The following ERCC6 variants were observed in gnomAD, a reference collection of about 807,000 sequenced individuals.
The protein encoded by ERCC6 is DNA excision repair protein ERCC-6.
A neutral mutation model predicts 158.7 loss-of-function variants in ERCC6; 116 were observed. That is an observed-to-expected ratio of 0.73 (90% CI 0.63 to 0.85). The LOEUF (loss-of-function observed/expected upper bound fraction) is 0.85. Among genes scored for constraint, ERCC6 ranks in the 40% least tolerant of loss-of-function variants. The pLI, the probability that ERCC6 is intolerant of heterozygous loss-of-function variation, is 0.00. For missense variants in ERCC6, 1,698 were observed against 1,799.4 expected, an observed-to-expected ratio of 0.94 and a Z score of 1.02; for synonymous variants, 678 against 659.3, an observed-to-expected ratio of 1.03 and a Z score of -0.43.
At chr10:49,538,295 G>T (rs1431921693) in intron 1 of ERCC6, among the ~76,000 whole-genome samples, 1 of 152,218 alleles carries the variant, frequency 6.6e-6, no homozygotes, top group Non-Finnish European at 1.5e-5. Flanking sequence ...CAAGGCCTGG[G>T]AAAACACGAG....
intron 5 of ERCC6, among the ~76,000 whole-genome samples, chr10:49,519,476 G>A (rs532012333): frequency 1.3e-5 from 2 of 152,282 alleles, no homozygotes; most frequent in East Asian, 3.9e-4. Flanking sequence ...GTGCTGAAAG[G>A]TGGCGAGGGA....
At chr10:49,515,175 T>A (rs1488114552) in intron 5 of ERCC6, 1 of 1,313,576 alleles carries the variant, frequency 7.6e-7, no homozygotes. Flanking sequence ...ATATGTTACC[T>A]AGAAAAATTC....
In ERCC6 at chr10:49,524,488, T is replaced by G; in HGVS notation, c.942A>C (p.Pro314=). Residue 314 remains proline, a synonymous_variant, in exon 5 of 21, where the codon CCA becomes CCC. Transcript: ENST00000355832. ...TGGACAGAACTCTGGCTTTCTTGTTTGGTTTGTTTTTATTTTGCACTGGGG... is the reference window on the plus strand; with the variant it reads ...TGGACAGAACTCTGGCTTTCTTGTTGGGTTTGTTTTTATTTTGCACTGGGG... ...PPAPVQNKNK[P]NKKARVLSKK... The G allele has an allele frequency of 6.2e-7, 1 of 1,614,234 alleles. No individual in the cohort carries two copies. Among genetic ancestry groups the G allele is most frequent in the African/African-American group, 1.3e-5 (1 of 75,052 alleles).
chr10:49,460,387 T>C lies in ERCC6; in HGVS notation c.4048A>G (p.Thr1350Ala). 6.2e-7 allele frequency: 1 copy of C among 1,612,592 alleles called. No homozygotes were observed. Among genetic ancestry groups the C allele is most frequent in the South Asian group, 1.1e-5 (1 of 91,032 alleles). Residue 1350 changes from threonine to alanine, a missense_variant, in exon 20 of 21, where the codon ACA becomes GCA. Transcript: ENST00000355832. ...ATCTATATTACCTGGCACTTCTCTG[T>C]TGGAGATGTTGATGAAGGATGCTGC... ...SVQHPSSTSP[T>A]EKCQDGIMKK...
Position 49,460,398 on chromosome 10 carries a change from G to C in ERCC6, c.4037C>G (p.Ser1346Ter), listed in dbSNP as rs2132525337. 6.2e-7 allele frequency: 1 copy of C among 1,613,580 alleles called. No homozygotes were observed. Among genetic ancestry groups the C allele is most frequent in the East Asian group, 2.2e-5 (1 of 44,878 alleles). The change falls in exon 20 of 21, where the codon TCA becomes TGA. Residue 1346 changes from serine to a stop codon, truncating the protein, a stop_gained. Coordinates refer to ENST00000355832, the MANE Select transcript of ERCC6 (RefSeq NM_000124.4). LOFTEE classifies it low-confidence loss of function (END_TRUNC). ...CTGGCACTTCTCTGTTGGAGATGTT[G>C]ATGAAGGATGCTGCACAGAGAAGTT... The part of the protein sequence containing the change: ...NSNFSVQHPS[S>*]TSPTEKCQDG...
At chr10:49,453,770 G>GT (rs59726219), downstream of ERCC6, among the ~76,000 whole-genome samples, 29,284 of 151,848 alleles carry the variant, frequency 0.19, 3,173 homozygotes, top group South Asian at 0.34. Context: ...TTGGTTGACA[G>GT]TTTTTTTTTC....
Position 49,493,154 on chromosome 10 carries a change from G to A in ERCC6, c.1784C>T (p.Ala595Val). ...ATAGGAACCGGTTTCATGTAGAATT[G>A]CCACTCTGAACGGAGGCCACCACGT... ...FHTWWPPFRV[A>V]ILHETGSYTH... The change falls in exon 8 of 21, where the codon GCA becomes GTA. Residue 595 changes from alanine to valine, a missense_variant. Physicochemically the swap from Ala to Val is moderately conservative, Grantham distance 64. Transcript: ENST00000355832. 6.2e-7 allele frequency: 1 copy of A among 1,614,082 alleles called. No homozygotes were observed. Among genetic ancestry groups the A allele is most frequent in the African/African-American group, 1.3e-5 (1 of 75,030 alleles).
chr10:49,486,093 A>G (rs747474215), intron 8 of ERCC6, among the ~76,000 whole-genome samples: 1 of 152,226 alleles, frequency 6.6e-6, no homozygotes, highest in Non-Finnish European at 1.5e-5. Context: ...GGATGCCACA[A>G]TAAGAAAAAA....
chr10:49,531,885 A>G (rs1473021946), intron 2 of ERCC6, among the ~76,000 whole-genome samples: 1 of 152,120 alleles, frequency 6.6e-6, no homozygotes, highest in African/African-American at 2.4e-5. Flanking sequence ...CCAAGCAGCA[A>G]TGATAAGTGA....
intron 5 of ERCC6, among the ~76,000 whole-genome samples, chr10:49,511,427 C>T: frequency 7.5e-6 from 1 of 133,424 alleles, no homozygotes; most frequent in African/African-American, 2.8e-5. Flanking sequence ...TTCTTTTTTA[C>T]TTTTTTTTTT....
At chr10:49,495,137 C>G (rs1162887716) in intron 7 of ERCC6, among the ~76,000 whole-genome samples, 22 of 152,184 alleles carry the variant, frequency 1.4e-4, no homozygotes, top group Non-Finnish European at 3.2e-4. Context: ...TGTATCTCCA[C>G]AAGCGGCACT....
chr10:49,473,599 T>C lies in ERCC6; in HGVS notation c.2599-12A>G. On this transcript the variant is annotated splice_polypyrimidine_tract_variant and intron_variant, in intron 13 of 20. Coordinates refer to ENST00000355832, the MANE Select transcript of ERCC6 (RefSeq NM_000124.4). ...AGTATGTCCAGCATCTGTTTGGAGG[T>C]GGGGGATAGGAGTTTGCAAAGCAAA... The C allele has an allele frequency of 6.6e-7, 1 of 1,503,880 alleles. No individual in the cohort carries two copies. Among genetic ancestry groups the C allele is most frequent in the South Asian group, 1.1e-5 (1 of 88,908 alleles). 93.2% of individuals were successfully genotyped at this position (1,503,880 alleles called of 1,614,324 possible).
chr10:49,482,005 C>G (rs1850988702), intron 10 of ERCC6, among the ~76,000 whole-genome samples: 2 of 152,288 alleles, frequency 1.3e-5, no homozygotes, highest in East Asian at 1.9e-4. Context: ...TTTCAGTAAC[C>G]CAGCCCTCCC....
chr10:49,457,583 T>C lies in ERCC6; in HGVS notation c.*1232A>G, dbSNP rs1261920815. On this transcript the variant is annotated 3_prime_UTR_variant, in exon 21 of 21. Coordinates refer to ENST00000355832, the MANE Select transcript of ERCC6 (RefSeq NM_000124.4). The stretch of plus-strand genomic sequence containing the variant: ...TAAGCATGAGAGAGATGTAAAGAAA[T>C]AGCAGGGTAGGAGGGCAGGCATACT... 2 of 151,868 alleles carry C rather than the reference T, an allele frequency of 1.3e-5. No homozygotes were observed. 9.4% of individuals were successfully genotyped at this position (151,868 alleles called of 1,614,324 possible). A position where few individuals can be genotyped will look rare whatever the true frequency, so the allele number is the denominator to read the frequency against.
chr10:49,435,283 G>A, the ERCC6 span, among the ~76,000 whole-genome samples: 840 of 152,190 alleles, frequency 5.5e-3, 8 homozygotes, highest in African/African-American at 0.019. Context: ...ACATACCTTC[G>A]TTCAGTAATT....
Position 49,470,672 on chromosome 10 carries a change from G to T in ERCC6, c.3288C>A (p.His1096Gln), listed in dbSNP as rs773727974. 2 of 1,613,948 alleles carry T rather than the reference G, an allele frequency of 1.2e-6. No homozygotes were observed. The highest frequency in any genetic ancestry group is 3.3e-5 in the Admixed American group (2 of 60,028). ...NRSDPLKDDPHMSSNVTSNDR... is the reference protein window; with the variant it reads ...NRSDPLKDDPQMSSNVTSNDR... ...CATTGCTAGTTACATTACTACTCAT[G>T]TGAGGGTCATCTTTCAAAGGATCAC... Residue 1096 changes from histidine (H) to glutamine (Q), a missense_variant, in exon 18 of 21, where the codon CAC becomes CAA. His to Gln is a conservative substitution (Grantham distance 24). Coordinates refer to ENST00000355832, the MANE Select transcript of ERCC6 (RefSeq NM_000124.4).
chr10:49,523,327 G>A (rs937293220), intron 5 of ERCC6, among the ~76,000 whole-genome samples: 11 of 152,230 alleles, frequency 7.2e-5, no homozygotes, highest in African/African-American at 2.2e-4. Flanking sequence ...CTCAGAAAAC[G>A]TGTGGCAATA....
At chr10:49,526,110 TATATTTTTATATATATATA>T (rs1837322925) in intron 4 of ERCC6, among the ~76,000 whole-genome samples, 2 of 75,924 alleles carry the variant, frequency 2.6e-5, no homozygotes, top group African/African-American at 1.3e-4. Context: ...TATATATTTA[TATATTTTTATATATATATA>T]TATATATATA....
chr10:49,489,004 C>T (rs1458429537), intron 8 of ERCC6, among the ~76,000 whole-genome samples: 1 of 152,058 alleles, frequency 6.6e-6, no homozygotes, highest in African/African-American at 2.4e-5. Flanking sequence ...AGGATGGTCT[C>T]GATCTTCTGA....
Sources: gnomAD v4.1 joint callset for allele counts (sites outside exome capture counted in the v4.1 genomes callset) on GRCh38, gnomAD v4.1.1 for gene constraint, MANE v1.5 for transcripts, NCBI Gene and HGNC (gene_info 2026-07-23, HGNC 2026-07-21) for gene names.